The following NCAM2 variants were observed in gnomAD, a reference collection of about 807,000 sequenced individuals.
NCAM2 encodes the protein N-CAM-2.
NCAM2 carries 30 observed loss-of-function variants against 98.1 expected under a neutral mutation model. The observed-to-expected ratio is 0.31, with a 90% CI of 0.23 to 0.41. NCAM2 has a LOEUF of 0.41. Ranked by LOEUF, NCAM2 falls within the 10% of genes least tolerant of loss-of-function variation. The probability of loss-of-function intolerance (pLI) is 1.00; values close to 1 mark genes in which losing one functional copy is unlikely to be tolerated. For missense variants in NCAM2, 867 were observed against 1,005.8 expected, an observed-to-expected ratio of 0.86 and a Z score of 1.87; for synonymous variants, 368 against 342.4, an observed-to-expected ratio of 1.07 and a Z score of -0.83.
intron 1 of NCAM2, among the ~76,000 whole-genome samples, chr21:21,062,727 A>C (rs969246101): frequency 6.6e-6 from 1 of 152,192 alleles, no homozygotes; most frequent in African/African-American, 2.4e-5. Flanking sequence ...TTTGTTTTTA[A>C]TTTTTATAGT....
chr21:21,171,789 A>G (rs2068132647), intron 1 of NCAM2, among the ~76,000 whole-genome samples: 2 of 152,140 alleles, frequency 1.3e-5, no homozygotes, highest in African/African-American at 4.8e-5. Flanking sequence ...GGATAAATTT[A>G]TTGTACTCGA....
intron 1 of NCAM2, among the ~76,000 whole-genome samples, chr21:21,214,463 C>T (rs944450769): frequency 6.6e-6 from 1 of 151,762 alleles, no homozygotes; most frequent in African/African-American, 2.4e-5. Context: ...AACTGCAATG[C>T]CTTAAGATTT....
At chr21:21,350,364 A>G (rs2075301961) in intron 8 of NCAM2, among the ~76,000 whole-genome samples, 1 of 152,146 alleles carries the variant, frequency 6.6e-6, no homozygotes, top group Non-Finnish European at 1.5e-5. Flanking sequence ...ACTAACTACG[A>G]TGTGTTCCTA....
chr21:21,458,685 T>C (rs1016396120), intron 12 of NCAM2, among the ~76,000 whole-genome samples: 5 of 152,176 alleles, frequency 3.3e-5, no homozygotes, highest in South Asian at 2.1e-4. Flanking sequence ...ACAAATAAAA[T>C]TGTGTTGTTT....
chr21:21,495,242 T>A (rs1367500432), intron 15 of NCAM2, among the ~76,000 whole-genome samples: 1 of 152,038 alleles, frequency 6.6e-6, no homozygotes, highest in Non-Finnish European at 1.5e-5. Flanking sequence ...TTTCTATTTT[T>A]AAAATATACC....
intron 1 of NCAM2, among the ~76,000 whole-genome samples, chr21:21,030,480 C>G (rs1055143893): frequency 3.3e-5 from 5 of 152,154 alleles, no homozygotes; most frequent in African/African-American, 1.2e-4. Context: ...TTTTTAAGGG[C>G]TCTTGGGATT....
intron 5 of NCAM2, among the ~76,000 whole-genome samples, chr21:21,296,711 G>A (rs1436665814): frequency 6.6e-6 from 1 of 151,734 alleles, no homozygotes; most frequent in East Asian, 2.0e-4. Context: ...CTTTACTAAA[G>A]GGCAAGGAAA....
At chr21:21,303,986 G>C (rs2073806317) in intron 5 of NCAM2, among the ~76,000 whole-genome samples, 1 of 152,126 alleles carries the variant, frequency 6.6e-6, no homozygotes, top group East Asian at 1.9e-4. Context: ...TGAGTTTACT[G>C]AATTCTTTAT....
intron 1 of NCAM2, among the ~76,000 whole-genome samples, chr21:21,026,498 T>A (rs7277708): frequency 0.012 from 1,834 of 151,996 alleles, 31 homozygotes; most frequent in African/African-American, 0.042. Context: ...GGTGGCAGGC[T>A]TCTGTCATCC....
At chr21:21,297,046 C>A (rs903882911) in intron 5 of NCAM2, among the ~76,000 whole-genome samples, 1 of 151,652 alleles carries the variant, frequency 6.6e-6, no homozygotes. Flanking sequence ...AGTTAAAGAC[C>A]TGCTACCTAA....
chr21:21,268,102 A>C (rs146664193), intron 1 of NCAM2, among the ~76,000 whole-genome samples: 2 of 152,248 alleles, frequency 1.3e-5, no homozygotes, highest in African/African-American at 2.4e-5. Context: ...ATTCCTGGTG[A>C]ATATGTGGTT....
At chr21:21,408,472 G>T (rs2076788928) in intron 9 of NCAM2, among the ~76,000 whole-genome samples, 1 of 152,200 alleles carries the variant, frequency 6.6e-6, no homozygotes, top group East Asian at 1.9e-4. Context: ...ATACATACTG[G>T]ATTGCAGAAT....
At chr21:21,484,308 CTT>C (rs35257030) in intron 15 of NCAM2, among the ~76,000 whole-genome samples, 15,124 of 152,124 alleles carry the variant, frequency 0.099, 851 homozygotes, top group Middle Eastern at 0.2. Context: ...TTGTTAATGA[CTT>C]TGTGTAAATC....
At chr21:21,125,448 TTACA>T (rs2146586578) in intron 1 of NCAM2, among the ~76,000 whole-genome samples, 1 of 74,838 alleles carries the variant, frequency 1.3e-5, no homozygotes, top group African/African-American at 4.3e-5. Flanking sequence ...ATATAATGTA[TTACA>T]TATATAGAGA....
intron 1 of NCAM2, among the ~76,000 whole-genome samples, chr21:21,040,024 A>G (rs1350139000): frequency 1.3e-5 from 2 of 152,174 alleles, no homozygotes; most frequent in African/African-American, 4.8e-5. Flanking sequence ...ATTACTGTTA[A>G]GGGCAACCTT....
intron 1 of NCAM2, among the ~76,000 whole-genome samples, chr21:21,088,060 G>GAACT (rs1426081253): frequency 1.3e-5 from 2 of 152,122 alleles, no homozygotes; most frequent in African/African-American, 4.8e-5. Context: ...GAATGGTGTA[G>GAACT]AACTGTAATT....
At chr21:21,232,710 C>T (rs928028486) in intron 1 of NCAM2, among the ~76,000 whole-genome samples, 3 of 151,564 alleles carry the variant, frequency 2.0e-5, no homozygotes, top group Non-Finnish European at 4.4e-5. Flanking sequence ...AAAAAGTTTT[C>T]AAAATATTTT....
At chr21:21,270,013 T>C (rs1440336359) in intron 1 of NCAM2, among the ~76,000 whole-genome samples, 1 of 152,168 alleles carries the variant, frequency 6.6e-6, no homozygotes, top group African/African-American at 2.4e-5. Flanking sequence ...AATACCCACA[T>C]TGGGGAAGAC....
At chr21:21,038,612 G>A (rs1267893211) in intron 1 of NCAM2, among the ~76,000 whole-genome samples, 1 of 152,178 alleles carries the variant, frequency 6.6e-6, no homozygotes, top group Non-Finnish European at 1.5e-5. Flanking sequence ...AGAAGGATGT[G>A]TTTGCTTCTC....
Sources: gnomAD v4.1 joint callset for allele counts (sites outside exome capture counted in the v4.1 genomes callset) on GRCh38, gnomAD v4.1.1 for gene constraint, MANE v1.5 for transcripts, NCBI Gene and HGNC (gene_info 2026-07-23, HGNC 2026-07-21) for gene names.